Variants in SLC7A1 observed in about 807,000 individuals in gnomAD.
SLC7A1 encodes the protein solute carrier family 7 member 1.
SLC7A1 carries 10 observed loss-of-function variants against 53.9 expected under a neutral mutation model. That is an observed-to-expected ratio of 0.19 (90% CI 0.11 to 0.31). The LOEUF is 0.31. Ranked by LOEUF, SLC7A1 falls within the 10% of genes least tolerant of loss-of-function variation. The probability of loss-of-function intolerance (pLI) is 1.00; values close to 1 mark genes in which losing one functional copy is unlikely to be tolerated. For synonymous variants in SLC7A1, 342 were observed against 338.7 expected (o/e 1.01, Z -0.11); for missense variants, 525 against 827.2 (o/e 0.63, Z 4.48).
At chr13:29,560,773 G>A (rs1037788495) in intron 1 of SLC7A1, among the ~76,000 whole-genome samples, 3 of 152,000 alleles carry the variant, frequency 2.0e-5, no homozygotes, top group Non-Finnish European at 4.4e-5. Context: ...TGAGGTCTAC[G>A]ATCAACCAAA....
intron 3 of SLC7A1, among the ~76,000 whole-genome samples, chr13:29,535,558 C>G (rs935683197): frequency 4.6e-5 from 7 of 152,076 alleles, no homozygotes. Flanking sequence ...TCCATGTTGT[C>G]AGGCAGGGTA....
chr13:29,581,053 TA>T (rs1206866959), intron 1 of SLC7A1, among the ~76,000 whole-genome samples: 3 of 152,234 alleles, frequency 2.0e-5, no homozygotes, highest in Non-Finnish European at 4.4e-5. Flanking sequence ...GACATGTTTC[TA>T]TGCTATTTAA....
intron 1 of SLC7A1, among the ~76,000 whole-genome samples, chr13:29,588,161 T>C (rs998036413): frequency 3.9e-5 from 6 of 152,206 alleles, no homozygotes; most frequent in Non-Finnish European, 5.9e-5. Flanking sequence ...AATACTTAGC[T>C]ATAAAGGACA....
chr13:29,584,541 A>T (rs1038562586), intron 1 of SLC7A1, among the ~76,000 whole-genome samples: 1 of 152,194 alleles, frequency 6.6e-6, no homozygotes, highest in Non-Finnish European at 1.5e-5. Flanking sequence ...AAGCATAGTA[A>T]ATAAAAGAAA....
intron 1 of SLC7A1, among the ~76,000 whole-genome samples, chr13:29,583,355 C>T (rs1326522358): frequency 6.6e-6 from 1 of 152,234 alleles, no homozygotes; most frequent in Non-Finnish European, 1.5e-5. Flanking sequence ...CATGCTTTCC[C>T]TCTGTCCCTG....
intron 12 of SLC7A1, 77 bp downstream of exon 12, chr13:29,516,061 C>T: frequency 1.2e-6 from 1 of 838,852 alleles, no homozygotes; most frequent in Non-Finnish European, 1.9e-6. Flanking sequence ...GTGCGTCATT[C>T]TGTTATGAAA....
At chr13:29,543,467 G>A (rs1869758494) in intron 2 of SLC7A1, among the ~76,000 whole-genome samples, 1 of 152,234 alleles carries the variant, frequency 6.6e-6, no homozygotes, top group African/African-American at 2.4e-5. Flanking sequence ...AAGCCTGAGA[G>A]CCCTGCCTCC....
chr13:29,549,344 C>T (rs57383892), intron 2 of SLC7A1, among the ~76,000 whole-genome samples: 12,658 of 152,226 alleles, frequency 0.083, 1,618 homozygotes, highest in East Asian at 0.63. Flanking sequence ...TCCTTCCCAC[C>T]GCATGAGAGT....
chr13:29,515,181 G>A lies in SLC7A1; in HGVS notation c.1787-598C>T, dbSNP rs547658190. Among the ~76,000 whole-genome samples, 3 of 152,314 alleles carry A rather than the reference G, an allele frequency of 2.0e-5. No individual in the cohort carries two copies. The East Asian group carries it at 5.8e-4, about 30-fold the overall frequency. On this transcript the variant is annotated intron_variant, in intron 12 of 12. Transcript: ENST00000380752. Reference sequence around the variant, plus strand: ...CTTGTGTGGCTGACACAGGAAAACAGGCCTTAAAGCAAGGACTCAGCCACC... The same window carrying A: ...CTTGTGTGGCTGACACAGGAAAACAAGCCTTAAAGCAAGGACTCAGCCACC...
At chr13:29,542,180 C>T (rs1174823060) in intron 2 of SLC7A1, among the ~76,000 whole-genome samples, 1 of 152,182 alleles carries the variant, frequency 6.6e-6, no homozygotes, top group South Asian at 2.1e-4. Flanking sequence ...CTCGGCCAGG[C>T]GCGGTGGCTC....
Position 29,532,728 on chromosome 13 carries a change from T to A in SLC7A1, c.529+96A>T, listed in dbSNP as rs7318388. ...AAACAAAAAGAAATGGGGGTTATGG[T>A]TAAAGAGATAAGTAAAGAAAGGAAC... On this transcript the variant is annotated intron_variant, in intron 4 of 12. Transcript: ENST00000380752. 3.7e-3 allele frequency: 4,197 copies of A among 1,121,992 alleles called. 110 individuals are homozygous for A. The African/African-American group carries it at 0.058, about 16-fold the overall frequency. The allele number at this position is 1,121,992 out of a possible 1,614,324, so 69.5% of individuals were successfully genotyped here.
intron 1 of SLC7A1, among the ~76,000 whole-genome samples, chr13:29,589,708 TC>T (rs1872027386): frequency 6.6e-6 from 1 of 152,158 alleles, no homozygotes; most frequent in African/African-American, 2.4e-5. Context: ...CAGATGGGCT[TC>T]AGATCTGTCT....
chr13:29,582,652 T>A (rs1049642876), intron 1 of SLC7A1, among the ~76,000 whole-genome samples: 20 of 152,130 alleles, frequency 1.3e-4, no homozygotes, highest in African/African-American at 4.8e-4. Context: ...GAGAGCTGGT[T>A]AGAAATGCAG....
intron 2 of SLC7A1, among the ~76,000 whole-genome samples, chr13:29,545,853 G>A (rs1377489484): frequency 2.0e-5 from 3 of 152,198 alleles, no homozygotes; most frequent in African/African-American, 7.2e-5. Context: ...AGCTATCAAG[G>A]ACATCTTCAC....
At position 29,536,138 on chromosome 13, in the gene SLC7A1, C is replaced by T. The variant is rs1314492430; in HGVS notation, c.51G>A (p.Lys17=). The T allele has an allele frequency of 1.9e-6, 3 of 1,614,046 alleles. No homozygotes were observed. The highest frequency in any genetic ancestry group is 3.3e-5 in the Admixed American group (2 of 60,032). ...LNIGQQMLRR[K]VVDCSREETR... ...TCTCCTCCCGGCTACAGTCCACCAC[C>T]TTCCGCCGCAGCATCTGCTGCCCAA... The change falls in exon 3 of 13, where the codon AAG becomes AAA. Residue 17 remains lysine (K), a synonymous_variant. Coordinates refer to ENST00000380752, the MANE Select transcript of SLC7A1 (RefSeq NM_003045.5).
At chr13:29,540,494 G>A (rs1415755790) in intron 2 of SLC7A1, among the ~76,000 whole-genome samples, 2 of 152,174 alleles carry the variant, frequency 1.3e-5, no homozygotes, top group Non-Finnish European at 2.9e-5. Flanking sequence ...ACTCTCTTAT[G>A]TTCTATTTTA....
chr13:29,560,199 G>A (rs1870691954), intron 1 of SLC7A1, among the ~76,000 whole-genome samples: 1 of 151,396 alleles, frequency 6.6e-6, no homozygotes, highest in African/African-American at 2.4e-5. Context: ...ACATTAGCCT[G>A]GGCCTACACA....
At chr13:29,550,401 A>G (rs1290325963) in intron 2 of SLC7A1, among the ~76,000 whole-genome samples, 1 of 152,272 alleles carries the variant, frequency 6.6e-6, no homozygotes, top group East Asian at 1.9e-4. Context: ...TAGACAGCAG[A>G]TGGAAATCAC....
At chr13:29,572,445 G>A (rs1171795800) in intron 1 of SLC7A1, among the ~76,000 whole-genome samples, 2 of 152,180 alleles carry the variant, frequency 1.3e-5, no homozygotes, top group Non-Finnish European at 1.5e-5. Flanking sequence ...GACAGAGGGT[G>A]GGGAGTGGGA....
Sources: allele counts gnomAD v4.1 joint callset (sites outside exome capture counted in the v4.1 genomes callset), GRCh38; gene constraint gnomAD v4.1.1; transcripts MANE v1.5; gene names NCBI Gene and HGNC (gene_info 2026-07-23, HGNC 2026-07-21).